The following IDH1 variants were observed in gnomAD, a reference collection of about 807,000 sequenced individuals.
IDH1 encodes isocitrate dehydrogenase [NADP] cytoplasmic.
A neutral mutation model predicts 46.1 loss-of-function variants in IDH1; 33 were observed. That is an observed-to-expected ratio of 0.72 (90% confidence interval 0.54 to 0.96). IDH1 has a LOEUF of 0.96. IDH1 is among the 40% of genes least tolerant of loss of function. The probability of loss-of-function intolerance (pLI) is 0.00; values close to 1 mark genes in which losing one functional copy is unlikely to be tolerated. For missense variants in IDH1, 421 were observed against 515.7 expected, an observed-to-expected ratio of 0.82 and a Z score of 1.78; for synonymous variants, 144 against 172.8, an observed-to-expected ratio of 0.83 and a Z score of 1.31.
At chr2:208,244,400 A>C (rs931360918) in intron 5 of IDH1, among the ~76,000 whole-genome samples, 3 of 152,210 alleles carry the variant, frequency 2.0e-5, no homozygotes, top group African/African-American at 7.2e-5. Flanking sequence ...ATCTATTTTA[A>C]ACTTTAGGGG....
chr2:208,245,788 C>A (rs530896902), intron 4 of IDH1, among the ~76,000 whole-genome samples: 1 of 42,260 alleles, frequency 2.4e-5, no homozygotes, highest in Non-Finnish European at 6.7e-5. Flanking sequence ...GACCCCCCCC[C>A]CAAAAAAAAA....
At chr2:208,247,453 T>C (rs896533032) in intron 4 of IDH1, 2 of 152,330 alleles carry the variant, frequency 1.3e-5, no homozygotes, top group East Asian at 3.9e-4. Flanking sequence ...TTTCTTTTTC[T>C]TTTTCGAGAC....
intron 6 of IDH1, among the ~76,000 whole-genome samples, chr2:208,242,827 T>C (rs1687945619): frequency 6.6e-6 from 1 of 151,690 alleles, no homozygotes; most frequent in Non-Finnish European, 1.5e-5. Flanking sequence ...TGCAGTGGCG[T>C]GATTTCGGCT....
At chr2:208,240,172 C>G in intron 7 of IDH1, 169 bp from the exon 8 acceptor site, 1 of 714,756 alleles carries the variant, frequency 1.4e-6, no homozygotes, top group Non-Finnish European at 2.5e-6. Context: ...GATCCCCGCT[C>G]CAGATATCAG....
rs771481912 is a variant in IDH1 at position 208,243,613 on chromosome 2, G to A, written c.521-9C>T. 4 of 1,610,866 alleles carry A rather than the reference G, an allele frequency of 2.5e-6. No homozygotes were observed. The South Asian group carries it at 3.3e-5, about 13-fold the overall frequency. The stretch of plus-strand genomic sequence containing the variant: ...GGCAACACCACCACCTTCTGTAGAG[G>A]AGAAGCCAGTGAGAGGAAAAAAGGG... On this transcript the variant is annotated splice_polypyrimidine_tract_variant and intron_variant, in intron 5 of 9. Coordinates refer to ENST00000345146, the MANE Select transcript of IDH1 (RefSeq NM_005896.4).
chr2:208,253,728 T>C (rs1688163644), intron 2 of IDH1, among the ~76,000 whole-genome samples, 158 bp downstream of exon 2: 1 of 152,200 alleles, frequency 6.6e-6, no homozygotes, highest in Non-Finnish European at 1.5e-5. Flanking sequence ...GATAAGACAC[T>C]GTATTAAAAG....
intron 2 of IDH1, among the ~76,000 whole-genome samples, chr2:208,252,064 T>C (rs1688135622): frequency 6.6e-6 from 1 of 152,226 alleles, no homozygotes; most frequent in African/African-American, 2.4e-5. Flanking sequence ...AGTGCTAGCA[T>C]TTCTCCTCCT....
Position 208,239,849 on chromosome 2 carries a change from AAAC to A in IDH1, c.991+11_991+13del. ...GCACTCTCTGGTGAGAAATCAATGT[AAAC>A]ACCATCTTACCAATGGGATTGGTGG... On this transcript the variant is annotated intron_variant, in intron 8 of 9. Coordinates refer to ENST00000345146, the MANE Select transcript of IDH1 (RefSeq NM_005896.4). 6.2e-7 allele frequency: 1 copy of A among 1,613,990 alleles called. No individual in the cohort carries two copies. The highest frequency in any genetic ancestry group is 1.3e-5 in the African/African-American group (1 of 75,048).
At chr2:208,239,295 T>C in intron 8 of IDH1, 62 bp from the exon 9 acceptor site, 1 of 1,546,054 alleles carries the variant, frequency 6.5e-7, no homozygotes, top group East Asian at 2.3e-5. Flanking sequence ...TTTCCAAATG[T>C]CTCATAGTTC....
intron 5 of IDH1, 114 bp from the exon 6 acceptor site, chr2:208,243,718 T>A (rs1687965815): frequency 6.0e-6 from 5 of 834,994 alleles, no homozygotes; most frequent in Non-Finnish European, 9.9e-6. Flanking sequence ...AGCTCTCACA[T>A]CTGAGACTAG....
intron 2 of IDH1, 38 bp downstream of exon 2, chr2:208,253,848 A>G (rs1022888703): frequency 6.6e-6 from 1 of 152,198 alleles, no homozygotes; most frequent in Non-Finnish European, 1.5e-5. Flanking sequence ...CACATCAAAG[A>G]AAGTACAGAA....
rs762954264 is a variant in IDH1, at chr2:208,239,073, G to A, written c.1152C>T (p.Pro384=). The A allele has an allele frequency of 1.2e-6, 2 of 1,613,656 alleles. No homozygotes were observed. The highest frequency in any genetic ancestry group is 2.2e-5 in the South Asian group (2 of 91,064). Residue 384 remains proline (P), a splice_region_variant and synonymous_variant, in exon 9 of 10, where the codon CCC becomes CCT. Coordinates refer to ENST00000345146, the MANE Select transcript of IDH1 (RefSeq NM_005896.4). The stretch of plus-strand genomic sequence containing the variant: ...AAACTAGGGCATCTTATACTTACTT[G>A]GGTAAACCTTTAATGCAAGCAGCCA... ...KDLAACIKGL[P]NVQRSDYLNT...
At position 208,240,011 on chromosome 2, in the gene IDH1, T is replaced by A. The variant is rs1445557698; in HGVS notation, c.851-8A>T. 2 of 1,614,048 alleles carry A rather than the reference T, an allele frequency of 1.2e-6. No individual in the cohort carries two copies. Among genetic ancestry groups the A allele is most frequent in the Non-Finnish European group, 1.7e-6 (2 of 1,180,018 alleles). On this transcript the variant is annotated splice_polypyrimidine_tract_variant and splice_region_variant and intron_variant, in intron 7 of 9. Transcript: ENST00000345146. ...TGCCGAGAGAGCCATACCCTGTAAG[T>A]AGTGGAGCATGAAGCGTTGGGTCCA... is the stretch of plus-strand genomic sequence containing the variant.
chr2:208,236,609 A>C lies in IDH1; in HGVS notation c.*470T>G, dbSNP rs1256585503. On this transcript the variant is annotated 3_prime_UTR_variant, in exon 10 of 10. Coordinates refer to ENST00000345146, the MANE Select transcript of IDH1 (RefSeq NM_005896.4). ...CTCCTACTTCGTTCCAGTCATGTGC[A>C]AGTTTAATGCACAGCTCTACCTCAC... 1 of 244,040 alleles carries C rather than the reference A, an allele frequency of 4.1e-6. No homozygotes were observed. The highest frequency in any genetic ancestry group is 5.1e-5 in the Admixed American group (1 of 19,760). The allele number at this position is 244,040 out of a possible 1,614,324, so 15.1% of individuals were successfully genotyped here.
At chr2:208,239,285 T>C (rs1338079374) in intron 8 of IDH1, 52 bp from the exon 9 acceptor site, 1 of 1,584,980 alleles carries the variant, frequency 6.3e-7, no homozygotes, top group Admixed American at 1.7e-5. Flanking sequence ...GTTATAGAGG[T>C]TTCCAAATGT....
chr2:208,248,170 CTATTTGTAAGTTTATTTG>C, intron 4 of IDH1, 181 bp downstream of exon 4: 1 of 594,194 alleles, frequency 1.7e-6, no homozygotes, highest in Non-Finnish European at 3.0e-6. Context: ...AGATGGACGC[CTATTTGTAAGTTTATTTG>C]TATTTGCCTT....
intron 4 of IDH1, 77 bp from the exon 5 acceptor site, chr2:208,245,501 T>C (rs2124858046): frequency 1.2e-6 from 1 of 801,692 alleles, no homozygotes; most frequent in South Asian, 1.4e-5. Context: ...TCATATAATA[T>C]AGACCTAGAA....
rs1431772417 is a variant in IDH1 at position 208,236,643 on chromosome 2, A to G, written c.*436T>C. ...GCACAGCTCTACCTCACAAAACGGGATATCTATGACACCAGAACTTCCCTG... is the reference window on the plus strand; with the variant it reads ...GCACAGCTCTACCTCACAAAACGGGGTATCTATGACACCAGAACTTCCCTG... On this transcript the variant is annotated 3_prime_UTR_variant, in exon 10 of 10. Coordinates refer to ENST00000345146, the MANE Select transcript of IDH1 (RefSeq NM_005896.4). The G allele has an allele frequency of 2.3e-5, 6 of 262,698 alleles. No individual in the cohort carries two copies. The South Asian group carries it at 5.3e-4, about 23-fold the overall frequency. The allele number at this position is 262,698 out of a possible 1,614,324, so 16.3% of individuals were successfully genotyped here.
chr2:208,248,804 C>T lies in IDH1; in HGVS notation c.123-144G>A, dbSNP rs1188304911. ...AATCTGCCAAGTTTTAGCACTGGCACACCCTAAACACAGAAGATGGGTGCC... is the reference window on the plus strand; with the variant it reads ...AATCTGCCAAGTTTTAGCACTGGCATACCCTAAACACAGAAGATGGGTGCC... On this transcript the variant is annotated intron_variant, in intron 3 of 9. Transcript: ENST00000345146. 1.6e-5 allele frequency: 11 copies of T among 699,328 alleles called. No homozygotes were observed. The Admixed American group carries it at 2.6e-4, about 16-fold the overall frequency. 43.3% of individuals were successfully genotyped at this position (699,328 alleles called of 1,614,324 possible). A position where few individuals can be genotyped will look rare whatever the true frequency, so the allele number is the denominator to read the frequency against.
Sources: allele counts gnomAD v4.1 joint callset (sites outside exome capture counted in the v4.1 genomes callset), GRCh38; gene constraint gnomAD v4.1.1; transcripts MANE v1.5; gene names NCBI Gene and HGNC (gene_info 2026-07-23, HGNC 2026-07-21).